Variants in AMPD1 observed in about 807,000 individuals in gnomAD.
AMPD1 encodes the protein adenosine monophosphate deaminase 1.
A neutral mutation model predicts 82.9 loss-of-function variants in AMPD1; 74 were observed. The ratio of observed to expected loss-of-function variants is 0.89; its 90% CI spans 0.74 to 1.08. AMPD1 has a LOEUF of 1.08. Among genes scored for constraint, AMPD1 ranks in the 50% least tolerant of loss-of-function variants. AMPD1 has a pLI of 0.00. For missense variants in AMPD1, 881 were observed against 924.5 expected, an observed-to-expected ratio of 0.95 and a Z score of 0.61; for synonymous variants, 333 against 320.5, an observed-to-expected ratio of 1.04 and a Z score of -0.42.
chr1:114,674,900 C>A, intron 12 of AMPD1, 28 bp from the exon 13 acceptor site: 1 of 1,613,852 alleles, frequency 6.2e-7, no homozygotes, highest in East Asian at 2.2e-5. Flanking sequence ...CTATTGGAAT[C>A]GCAGGTTCTG....
At chr1:114,676,929 A>G (rs1325578165) in intron 10 of AMPD1, among the ~76,000 whole-genome samples, 1 of 152,164 alleles carries the variant, frequency 6.6e-6, no homozygotes, top group Non-Finnish European at 1.5e-5. Context: ...GGAGAACTTG[A>G]GCACTTGTAG....
intron 5 of AMPD1, among the ~76,000 whole-genome samples, chr1:114,682,716 C>CT (rs1457778328): frequency 6.6e-6 from 1 of 152,074 alleles, no homozygotes; most frequent in Non-Finnish European, 1.5e-5. Context: ...GTAGCTGGGA[C>CT]TACAGGCGCC....
At chr1:114,677,556 AG>A in intron 9 of AMPD1, 42 bp from the exon 10 acceptor site, 1 of 1,613,202 alleles carries the variant, frequency 6.2e-7, no homozygotes, top group Non-Finnish European at 8.5e-7. Context: ...GATTCCCACA[AG>A]TTCCTCTGGG....
rs535832077 is a variant in AMPD1, at chr1:114,688,044, C to T, written c.215+517G>A. Among the ~76,000 whole-genome samples, 34 of 152,182 alleles carry T rather than the reference C, an allele frequency of 2.2e-4. No homozygotes were observed. In the South Asian group the frequency reaches 5.2e-3, roughly 23 times the overall value. Reference sequence around the variant, plus strand: ...AGGCTTCAATCAAGGGAGATATGGACGAGATAGGAGGCCCACTGCTTTCTT... The same window carrying T: ...AGGCTTCAATCAAGGGAGATATGGATGAGATAGGAGGCCCACTGCTTTCTT... On this transcript the variant is annotated intron_variant, in intron 3 of 15. Coordinates refer to ENST00000520113, the MANE Select transcript of AMPD1 (RefSeq NM_000036.3).
At chr1:114,694,534 T>C (rs1410470212) in intron 1 of AMPD1, among the ~76,000 whole-genome samples, 1 of 152,060 alleles carries the variant, frequency 6.6e-6, no homozygotes, top group East Asian at 1.9e-4. Context: ...GGATAATGGA[T>C]GTGCAGATTT....
chr1:114,674,940 T>G, intron 12 of AMPD1, 68 bp from the exon 13 acceptor site: 1 of 1,595,778 alleles, frequency 6.3e-7, no homozygotes. Context: ...GAAAATTCAG[T>G]AGAAAAGTGA....
chr1:114,685,254 A>C (rs201656046), intron 4 of AMPD1, among the ~76,000 whole-genome samples: 14 of 152,300 alleles, frequency 9.2e-5, no homozygotes, highest in African/African-American at 3.4e-4. Flanking sequence ...TGCGTAGCTC[A>C]TTGCCACCTA....
chr1:114,675,941 A>T lies in AMPD1; in HGVS notation c.1451T>A (p.Met484Lys). Reference protein sequence around the residue: ...HFGKMLENIFMPVFEATINPQ... With the variant: ...HFGKMLENIFKPVFEATINPQ... ...GTTGATGGTGGCCTCAAACACTGGC[A>T]TGAAAATATTCTCCAGCATTTTTCC... The change falls in exon 11 of 16, where the codon ATG (methionine) becomes AAG (lysine). Residue 484 changes from methionine (M) to lysine (K), a missense_variant. Met to Lys is a moderately conservative substitution (Grantham distance 95). This residue lies in a region of AMPD1 where 783 missense variants were observed against 786.4 expected (regional missense o/e 1.00). Transcript: ENST00000520113. 6.2e-7 allele frequency: 1 copy of T among 1,614,224 alleles called. No homozygotes were observed. The highest frequency in any genetic ancestry group is 1.1e-5 in the South Asian group (1 of 91,088).
intron 2 of AMPD1, among the ~76,000 whole-genome samples, chr1:114,690,880 T>C (rs971672341): frequency 6.6e-6 from 1 of 152,114 alleles, no homozygotes; most frequent in Non-Finnish European, 1.5e-5. Flanking sequence ...ATGAGGATGA[T>C]GATGAAACTG....
In AMPD1 at chr1:114,687,014, T is replaced by C. The variant is rs781611847; in HGVS notation, c.216-104A>G. On this transcript the variant is annotated intron_variant, in intron 3 of 15. Transcript: ENST00000520113. ...ACAATTTTATTCTGAGGACAAAAAG[T>C]AAAAATTAAAATGTGGTTGGGTATC... The C allele has an allele frequency of 1.6e-6, 2 of 1,269,234 alleles. 1 individual carries two copies. Among genetic ancestry groups the C allele is most frequent in the South Asian group, 2.5e-5 (2 of 81,538 alleles). 78.6% of individuals were successfully genotyped at this position (1,269,234 alleles called of 1,614,324 possible). A position where few individuals can be genotyped will look rare whatever the true frequency, so the allele number is the denominator to read the frequency against.
chr1:114,693,322 G>A, intron 2 of AMPD1, 114 bp downstream of exon 2: 2 of 1,049,732 alleles, frequency 1.9e-6, no homozygotes, highest in Non-Finnish European at 3.0e-6. Context: ...GACTTTCAAG[G>A]CTATTATTTA....
At chr1:114,686,675 G>C (rs953659413) in intron 4 of AMPD1, 70 bp downstream of exon 4, 2 of 1,534,706 alleles carry the variant, frequency 1.3e-6, no homozygotes, top group African/African-American at 2.7e-5. Flanking sequence ...AGAGAAGAAG[G>C]CAAGGAGCTA....
chr1:114,687,868 G>A (rs921045513), intron 3 of AMPD1, among the ~76,000 whole-genome samples: 3 of 152,138 alleles, frequency 2.0e-5, no homozygotes, highest in Non-Finnish European at 4.4e-5. Context: ...ACTAAGGTTG[G>A]CTAGGGACAG....
At chr1:114,681,638 C>T (rs1321392705) in intron 5 of AMPD1, among the ~76,000 whole-genome samples, 12 of 151,664 alleles carry the variant, frequency 7.9e-5, no homozygotes, top group Admixed American at 3.9e-4. Flanking sequence ...AATGCAATTT[C>T]CCCACAGCCC....
intron 5 of AMPD1, 117 bp downstream of exon 5, chr1:114,684,082 G>T: frequency 8.7e-7 from 1 of 1,145,672 alleles, no homozygotes. Flanking sequence ...GGCCAAAGAT[G>T]ATTATGACTA....
chr1:114,684,091 T>G, intron 5 of AMPD1, 108 bp downstream of exon 5: 1 of 1,209,386 alleles, frequency 8.3e-7, no homozygotes, highest in Non-Finnish European at 1.2e-6. Flanking sequence ...TGATTATGAC[T>G]ATGATATTTT....
Position 114,686,888 on chromosome 1 carries a change from T to G in AMPD1, c.238A>C (p.Lys80Gln), listed in dbSNP as rs1426781419. Residue 80 changes from lysine (K) to glutamine (Q), a missense_variant, in exon 4 of 16, where the codon AAG (lysine) becomes CAG (glutamine). Physicochemically the swap from Lys to Gln is moderately conservative, Grantham distance 53. This residue lies in a region of AMPD1 where 783 missense variants were observed against 786.4 expected (regional missense o/e 1.00). Transcript: ENST00000520113. ...ARRKKRFQGR[K>Q]TVNLSIPLSE... ...AGTGGAATGGACAAATTAACAGTCT[T>G]CCGTCCTTGGAAACGCTTTTTTCTG... 1 of 1,614,116 alleles carries G rather than the reference T, an allele frequency of 6.2e-7. No individual in the cohort carries two copies. The highest frequency in any genetic ancestry group is 2.2e-5 in the East Asian group (1 of 44,896).
chr1:114,694,909 G>C lies in AMPD1; in HGVS notation c.22+541C>G, dbSNP rs6663302. Among the ~76,000 whole-genome samples the C allele has an allele frequency of 7.6e-3, 1,159 of 152,184 alleles. 18 individuals carry two copies. The highest frequency in any genetic ancestry group is 0.026 in the African/African-American group (1,086 of 41,508). ...TACTGAATTTCCCAACTTTCAAAAC[G>C]AATGTTTATTACTTTTATTTTTTCA... On this transcript the variant is annotated intron_variant, in intron 1 of 15. Coordinates refer to ENST00000520113, the MANE Select transcript of AMPD1 (RefSeq NM_000036.3).
chr1:114,691,412 T>C (rs1283400414), intron 2 of AMPD1, among the ~76,000 whole-genome samples: 2 of 151,178 alleles, frequency 1.3e-5, no homozygotes, highest in Non-Finnish European at 2.9e-5. Flanking sequence ...TTTTTTTTTT[T>C]CAAAAATTAG....
Sources: allele counts gnomAD v4.1 joint callset (sites outside exome capture counted in the v4.1 genomes callset), GRCh38; gene constraint gnomAD v4.1.1; regional missense constraint gnomAD v4.1.1; transcripts MANE v1.5; gene names NCBI Gene and HGNC (gene_info 2026-07-23, HGNC 2026-07-21).